Variants in ENTPD5 observed in about 807,000 individuals in gnomAD.
ENTPD5 encodes the protein nucleoside diphosphate phosphatase ENTPD5.
A neutral mutation model predicts 60.2 loss-of-function variants in ENTPD5; 49 were observed. The observed-to-expected ratio is 0.81, with a 90% CI of 0.65 to 1.03. The LOEUF (loss-of-function observed/expected upper bound fraction) is 1.03. ENTPD5 is among the 50% of genes least tolerant of loss of function. The pLI, the probability that ENTPD5 is intolerant of heterozygous loss-of-function variation, is 0.00. For synonymous variants in ENTPD5, 187 were observed against 185.4 expected (o/e 1.01, Z -0.07); for missense variants, 480 against 507.6 (o/e 0.95, Z 0.52).
chr14:73,957,721 G>A (rs995443820), downstream of ENTPD5, among the ~76,000 whole-genome samples: 17 of 152,108 alleles, frequency 1.1e-4, no homozygotes, highest in African/African-American at 1.7e-4. Context: ...TGAGCCACCC[G>A]TGCCTGGCCA....
At chr14:73,993,920 ACAAAC>A (rs2058237394) in intron 3 of ENTPD5, among the ~76,000 whole-genome samples, 1 of 85,630 alleles carries the variant, frequency 1.2e-5, no homozygotes, top group Admixed American at 1.3e-4. Flanking sequence ...TCACGAAAAA[ACAAAC>A]AAAAAAAAAC....
At chr14:73,972,000 T>A in intron 13 of ENTPD5, 92 bp from the exon 14 acceptor site, 1 of 791,370 alleles carries the variant, frequency 1.3e-6, no homozygotes, top group Non-Finnish European at 2.2e-6. Flanking sequence ...CACATGTACA[T>A]AATGTAATCT....
At chr14:73,969,160 G>C (rs1055227089) in intron 15 of ENTPD5, among the ~76,000 whole-genome samples, 1 of 152,168 alleles carries the variant, frequency 6.6e-6, no homozygotes, top group East Asian at 1.9e-4. Flanking sequence ...TCCAAATAGG[G>C]CAAGTTTGTG....
At chr14:74,018,812 A>C (rs1846810439) in intron 1 of ENTPD5, 1 of 152,234 alleles carries the variant, frequency 6.6e-6, no homozygotes, top group Non-Finnish European at 1.5e-5. Flanking sequence ...GCCCTCGGGA[A>C]AGTCCTCGAC....
chr14:74,000,415 G>GCAC (rs1260348450), intron 3 of ENTPD5, among the ~76,000 whole-genome samples: 1 of 151,120 alleles, frequency 6.6e-6, no homozygotes, highest in African/African-American at 2.4e-5. Context: ...AGTTGAGATC[G>GCAC]CACCACTGTA....
Position 73,972,804 on chromosome 14 carries a change from C to G in ENTPD5, c.1027+80G>C, listed in dbSNP as rs1231930559. ...GGGTAATCACCCCGACAAAGCACCT[C>G]AAGTGCTCTTTCTCCTTGACCTTCC... On this transcript the variant is annotated intron_variant, in intron 13 of 15. Transcript: ENST00000334696. 2.0e-6 allele frequency: 3 copies of G among 1,516,022 alleles called. No individual in the cohort carries two copies. The African/African-American group carries it at 4.1e-5, about 21-fold the overall frequency. 93.9% of individuals were successfully genotyped at this position (1,516,022 alleles called of 1,614,324 possible). A position where few individuals can be genotyped will look rare whatever the true frequency, so the allele number is the denominator to read the frequency against.
intron 6 of ENTPD5, among the ~76,000 whole-genome samples, chr14:73,980,071 C>T (rs1449481841): frequency 6.6e-6 from 1 of 150,984 alleles, no homozygotes. Context: ...CTCAGCCTCC[C>T]CAGTAGCTGG....
intron 15 of ENTPD5, among the ~76,000 whole-genome samples, chr14:73,968,579 C>G (rs1351227400): frequency 6.6e-6 from 1 of 152,040 alleles, no homozygotes; most frequent in East Asian, 1.9e-4. Context: ...GCACCTGCCA[C>G]CACGCCCGGC....
intron 3 of ENTPD5, chr14:73,996,095 T>A (rs2058333867): frequency 1.0e-6 from 1 of 976,268 alleles, no homozygotes; most frequent in Admixed American, 6.2e-5. Context: ...CTGGGCCCCA[T>A]TCATGTGCTC....
chr14:73,958,559 G>A (rs1417358932), downstream of ENTPD5: 3 of 1,306,260 alleles, frequency 2.3e-6, no homozygotes, highest in African/African-American at 3.0e-5. Context: ...CTTTCCCTCT[G>A]AGGAGTCTGT....
At chr14:74,008,451 C>T (rs1437137062) in intron 3 of ENTPD5, among the ~76,000 whole-genome samples, 2 of 150,382 alleles carry the variant, frequency 1.3e-5, no homozygotes, top group Non-Finnish European at 1.5e-5. Context: ...TGCAGTGGCA[C>T]GATCTTGGCT....
At chr14:73,974,039 G>A (rs2057338789) in intron 11 of ENTPD5, 61 bp from the exon 12 acceptor site, 3 of 1,415,214 alleles carry the variant, frequency 2.1e-6, no homozygotes, top group Non-Finnish European at 3.0e-6. Flanking sequence ...AGGAAGGCAA[G>A]CAAGAAGCCA....
At chr14:73,956,125 C>T (rs913501055), downstream of ENTPD5, 56 of 589,522 alleles carry the variant, frequency 9.5e-5, no homozygotes, top group Admixed American at 4.1e-4. Context: ...GAGATGGAGA[C>T]CATCCTGGCT....
At chr14:73,958,980 G>C (rs606231262), downstream of ENTPD5, 10 of 1,613,860 alleles carry the variant, frequency 6.2e-6, no homozygotes, top group East Asian at 2.2e-5. Flanking sequence ...GATAGGTGCA[G>C]ATGGTCACAA....
rs1237975465 is a variant in ENTPD5, at chr14:73,965,084, A to G, written c.*1844T>C. The G allele has an allele frequency of 6.6e-6, 1 of 152,234 alleles. No individual in the cohort carries two copies. Among genetic ancestry groups the G allele is most frequent in the Non-Finnish European group, 1.5e-5 (1 of 68,038 alleles). 9.4% of individuals were successfully genotyped at this position (152,234 alleles called of 1,614,324 possible). On this transcript the variant is annotated 3_prime_UTR_variant, in exon 16 of 16. Transcript: ENST00000334696. ...GACCTTAGTAATAAAAGTCAGTGTGAAGTCTAAAGAAATTCCACAATGAAT... is the reference window on the plus strand; with the variant it reads ...GACCTTAGTAATAAAAGTCAGTGTGGAGTCTAAAGAAATTCCACAATGAAT...
At chr14:73,986,225 T>A (rs995750958) in intron 5 of ENTPD5, 1 of 152,250 alleles carries the variant, frequency 6.6e-6, no homozygotes, top group Non-Finnish European at 1.5e-5. Context: ...CTCCCCAAGT[T>A]TAACATTCTG....
At chr14:73,991,422 C>G (rs1395604860) in intron 3 of ENTPD5, among the ~76,000 whole-genome samples, 1 of 151,900 alleles carries the variant, frequency 6.6e-6, no homozygotes, top group Admixed American at 6.6e-5. Context: ...ACCCCCGTCT[C>G]TACTAAAATA....
At chr14:73,956,196 C>T (rs1333618140), downstream of ENTPD5, 20 of 380,726 alleles carry the variant, frequency 5.3e-5, no homozygotes, top group African/African-American at 1.9e-4. Context: ...GGCATGGTGG[C>T]GGGCGCCTAT....
intron 3 of ENTPD5, among the ~76,000 whole-genome samples, chr14:73,989,489 G>C (rs1178539589): frequency 6.6e-6 from 1 of 151,174 alleles, no homozygotes; most frequent in South Asian, 2.1e-4. Flanking sequence ...CCTGAGGTCA[G>C]GAGTTTGAGA....
Sources: allele counts gnomAD v4.1 joint callset (sites outside exome capture counted in the v4.1 genomes callset), GRCh38; gene constraint gnomAD v4.1.1; transcripts MANE v1.5; gene names NCBI Gene and HGNC (gene_info 2026-07-23, HGNC 2026-07-21).